KCTD1: variants seen among roughly 807,000 people sequenced by gnomAD.
KCTD1 encodes potassium channel tetramerization domain containing 1, also known as BTB/POZ domain-containing protein KCTD1.
In KCTD1, 24 loss-of-function variants were observed where a neutral mutation model predicts 66.0. The ratio of observed to expected loss-of-function variants is 0.36; its 90% CI spans 0.26 to 0.51. KCTD1 has a LOEUF of 0.51. Among genes scored for constraint, KCTD1 ranks in the 20% least tolerant of loss-of-function variants. The pLI, the probability that KCTD1 is intolerant of heterozygous loss-of-function variation, is 0.95. For missense variants in KCTD1, 943 were observed against 1,205.2 expected, an observed-to-expected ratio of 0.78 and a Z score of 3.22; for synonymous variants, 511 against 517.2, an observed-to-expected ratio of 0.99 and a Z score of 0.16.
At chr18:26,598,191 A>G (rs1179627679) in intron 1 of KCTD1, among the ~76,000 whole-genome samples, 2 of 152,234 alleles carry the variant, frequency 1.3e-5, no homozygotes, top group Non-Finnish European at 2.9e-5. Flanking sequence ...CATTTCATGT[A>G]GATGGAATCA....
chr18:26,629,981 C>A (rs182437751), upstream of KCTD1, among the ~76,000 whole-genome samples: 1 of 152,152 alleles, frequency 6.6e-6, no homozygotes, highest in Non-Finnish European at 1.5e-5. Flanking sequence ...AAAGAAGCCT[C>A]GTCTGTCCAG....
chr18:26,483,363 G>T (rs529274446), intron 2 of KCTD1, among the ~76,000 whole-genome samples: 6 of 152,204 alleles, frequency 3.9e-5, no homozygotes, highest in African/African-American at 1.4e-4. Flanking sequence ...CTGCCTCCTG[G>T]GTCAAAGTGA....
rs941609392 is a variant in KCTD1 at position 26,548,042 on chromosome 18, C to T, written c.495G>A (p.Arg165=). ...LDPDVLQRPE[R]ARLSENTRLA... ...GCCGGGTGTTCTCGCTCAGCCGGGCCCGCTCGGGGCGCTGCAGCACGTCGG... is the reference window on the plus strand; with the variant it reads ...GCCGGGTGTTCTCGCTCAGCCGGGCTCGCTCGGGGCGCTGCAGCACGTCGG... The change falls in exon 1 of 5, where the codon CGG becomes CGA. Residue 165 remains arginine, a synonymous_variant. Coordinates refer to ENST00000580059, the MANE Select transcript of KCTD1 (RefSeq NM_001142730.3). The T allele has an allele frequency of 7.3e-6, 11 of 1,509,942 alleles. No individual in the cohort carries two copies. The Admixed American group carries it at 1.8e-4, about 25-fold the overall frequency. The allele number at this position is 1,509,942 out of a possible 1,614,324, so 93.5% of individuals were successfully genotyped here.
chr18:26,546,401 G>C (rs1309967862), intron 1 of KCTD1, among the ~76,000 whole-genome samples: 1 of 152,240 alleles, frequency 6.6e-6, no homozygotes, highest in Non-Finnish European at 1.5e-5. Context: ...TGTTCTCGCA[G>C]TCTTTGCCTT....
Position 26,455,656 on chromosome 18 carries a change from T to A in KCTD1, c.*87A>T. 1 of 1,563,694 alleles carries A rather than the reference T, an allele frequency of 6.4e-7. No individual in the cohort carries two copies. Among genetic ancestry groups the A allele is most frequent in the Non-Finnish European group, 8.7e-7 (1 of 1,143,246 alleles). On this transcript the variant is annotated 3_prime_UTR_variant, in exon 5 of 5. Coordinates refer to ENST00000580059, the MANE Select transcript of KCTD1 (RefSeq NM_001142730.3). ...TCGATTTTACGTCCAGGACTTGGTT[T>A]GCTGTCCCAACTGCACATAAATGTC...
At chr18:26,530,232 G>T (rs950536807) in intron 1 of KCTD1, among the ~76,000 whole-genome samples, 2 of 152,124 alleles carry the variant, frequency 1.3e-5, no homozygotes, top group Non-Finnish European at 2.9e-5. Flanking sequence ...CTTCAATTTT[G>T]CCCTGTCAAC....
At chr18:26,638,990 T>C (rs761342592) in intron 1 of KCTD1, among the ~76,000 whole-genome samples, 2 of 152,186 alleles carry the variant, frequency 1.3e-5, no homozygotes, top group Non-Finnish European at 2.9e-5. Flanking sequence ...CAGAGGATTC[T>C]ACAGATGTCT....
At chr18:26,550,569 C>CACACACAG (rs1985520604), upstream of KCTD1, among the ~76,000 whole-genome samples, 1 of 124,170 alleles carries the variant, frequency 8.1e-6, no homozygotes, top group South Asian at 2.9e-4. This position sits in a 1 kb window ranked among gnomAD's most constrained non-coding sequence, Gnocchi z 5.4. Context: ...CACACAGACA[C>CACACACAG]ACACACACAC....
intron 1 of KCTD1, among the ~76,000 whole-genome samples, chr18:26,615,155 A>G (rs73944657): frequency 0.022 from 3,417 of 152,224 alleles, 130 homozygotes; most frequent in African/African-American, 0.078. Flanking sequence ...ATAGACTACA[A>G]AGCTTTGTAA....
chr18:26,644,766 A>AGAG (rs1555649408), upstream of KCTD1, among the ~76,000 whole-genome samples: 1,782 of 149,986 alleles, frequency 0.012, 42 homozygotes, highest in African/African-American at 0.041. Flanking sequence ...AAAAAAAAAA[A>AGAG]AGAGAGAGAG....
At chr18:26,528,640 T>TGAG (rs1984285627) in intron 1 of KCTD1, among the ~76,000 whole-genome samples, 3 of 152,148 alleles carry the variant, frequency 2.0e-5, no homozygotes, top group Non-Finnish European at 4.4e-5. Context: ...TCAGGCTCCC[T>TGAG]CAATTCTCGC....
chr18:26,533,895 T>C (rs1984567567), intron 1 of KCTD1, among the ~76,000 whole-genome samples: 1 of 151,912 alleles, frequency 6.6e-6, no homozygotes, highest in Admixed American at 6.6e-5. Flanking sequence ...ATGTGTTAGA[T>C]TTTAATAATA....
At chr18:26,543,545 T>C (rs1289622137) in intron 1 of KCTD1, 1 of 152,276 alleles carries the variant, frequency 6.6e-6, no homozygotes, top group Non-Finnish European at 1.5e-5. Flanking sequence ...CTCTGGCTTC[T>C]CCTCAAAGGT....
At chr18:26,600,121 G>T in intron 1 of KCTD1, 1 of 1,610,162 alleles carries the variant, frequency 6.2e-7, no homozygotes, top group South Asian at 1.1e-5. Context: ...TTGTGGGGAA[G>T]GGAAAAAGAG....
intron 1 of KCTD1, among the ~76,000 whole-genome samples, chr18:26,645,990 A>C (rs1372478180): frequency 6.6e-6 from 1 of 152,232 alleles, no homozygotes; most frequent in African/African-American, 2.4e-5. Context: ...TCATATGTGG[A>C]AAAGACTATT....
At chr18:26,497,000 G>A (rs3903588) in intron 2 of KCTD1, among the ~76,000 whole-genome samples, 13,184 of 152,134 alleles carry the variant, frequency 0.087, 781 homozygotes, top group Non-Finnish European at 0.12. Flanking sequence ...GGCCTTGCAT[G>A]GCTTTTTAAT....
rs544661118 is a variant in KCTD1, at chr18:26,577,743, T to G, written c.-16+51404A>C. ...TTTTAGTGTTTTTTTTTGTTTGTTT[T>G]TTTGTTTTTTTGTAGAGATGAGATT... On this transcript the variant is annotated intron_variant, in intron 1 of 4. Transcript: ENST00000317932. 9.2e-5 allele frequency among the ~76,000 whole-genome samples: 14 copies of G among 151,844 alleles called. No individual in the cohort carries two copies. The South Asian group carries it at 1.9e-3, about 20-fold the overall frequency.
At chr18:26,518,646 CA>C (rs528967264) in intron 1 of KCTD1, among the ~76,000 whole-genome samples, 60 of 152,242 alleles carry the variant, frequency 3.9e-4, no homozygotes, top group African/African-American at 1.4e-3. Context: ...GGGATACTTA[CA>C]AAATGCCAGT....
chr18:26,547,650 C>G lies in KCTD1; in HGVS notation c.887G>C (p.Ser296Thr), dbSNP rs537517501. 1 of 1,551,644 alleles carries G rather than the reference C, an allele frequency of 6.4e-7. No homozygotes were observed. The highest frequency in any genetic ancestry group is 8.7e-7 in the Non-Finnish European group (1 of 1,146,992). ...GAAGGGCGTGTTGGTGCTGAAGACG[C>G]TGGAGGTGTACAGCTTGCGCAGGTC... The part of the protein sequence containing the change: ...RADLRKLYTS[S>T]VFSTNTPFGL... The change falls in exon 1 of 5, where the codon AGC becomes ACC. Residue 296 changes from serine to threonine, a missense_variant. Ser to Thr is a moderately conservative substitution (Grantham distance 58). Transcript: ENST00000580059.
Sources: allele counts gnomAD v4.1 joint callset (sites outside exome capture counted in the v4.1 genomes callset), GRCh38; gene constraint gnomAD v4.1.1; non-coding constraint Gnocchi (gnomAD v3.1); transcripts MANE v1.5; gene names NCBI Gene and HGNC (gene_info 2026-07-23, HGNC 2026-07-21).